RMST: variants seen among roughly 807,000 people sequenced by gnomAD.
RMST encodes the protein rhabdomyosarcoma 2 associated transcript, also known as long intergenic non-protein coding RNA 54.
intron 10 of RMST, among the ~76,000 whole-genome samples, chr12:97,523,774 G>A (rs1592735894): frequency 6.6e-6 from 1 of 152,088 alleles, no homozygotes; most frequent in Admixed American, 6.6e-5. Flanking sequence ...ATGAGAAAGA[G>A]AAGATAAGAA....
At chr12:97,512,135 C>T (rs749160128) in intron 10 of RMST, among the ~76,000 whole-genome samples, 24 of 152,164 alleles carry the variant, frequency 1.6e-4, no homozygotes, top group Non-Finnish European at 3.2e-4. Flanking sequence ...CTGGCGGATT[C>T]GTGGTCTCGC....
intron 10 of RMST, among the ~76,000 whole-genome samples, chr12:97,516,549 T>C (rs565615966): frequency 5.9e-5 from 9 of 152,174 alleles, no homozygotes; most frequent in African/African-American, 2.2e-4. Flanking sequence ...ATTTACTTTT[T>C]TCTTCATATT....
chr12:97,537,321 G>A (rs1301162773), intron 11 of RMST, among the ~76,000 whole-genome samples: 6 of 151,238 alleles, frequency 4.0e-5, no homozygotes, highest in Admixed American at 3.3e-4. Context: ...TTACTATGTG[G>A]AAACATTGAG....
chr12:97,532,475 T>C (rs1881718580), intron 11 of RMST, among the ~76,000 whole-genome samples: 1 of 151,834 alleles, frequency 6.6e-6, no homozygotes, highest in African/African-American at 2.4e-5. Flanking sequence ...TAGATGACAA[T>C]TACAGACAAT....
intron 10 of RMST, among the ~76,000 whole-genome samples, chr12:97,511,976 C>G (rs898550180): frequency 2.0e-5 from 3 of 152,218 alleles, no homozygotes; most frequent in Admixed American, 1.3e-4. Context: ...AGTCTCACTT[C>G]AAGAATGAAG....
intron 10 of RMST, among the ~76,000 whole-genome samples, chr12:97,517,954 A>G (rs1191089805): frequency 6.6e-6 from 1 of 152,056 alleles, no homozygotes; most frequent in Admixed American, 6.6e-5. Context: ...TCTTCACAGG[A>G]CCTTCACCAG....
intron 5 of RMST, among the ~76,000 whole-genome samples, chr12:97,487,228 C>T (rs991539232): frequency 2.0e-5 from 3 of 152,002 alleles, no homozygotes. Context: ...ACCAAATCAC[C>T]TGGGTTGGAT....
chr12:97,503,442 AT>A (rs143995990), intron 10 of RMST, among the ~76,000 whole-genome samples: 2 of 149,840 alleles, frequency 1.3e-5, no homozygotes, highest in African/African-American at 2.5e-5. Flanking sequence ...ATTATTGTTT[AT>A]TTTTTTTAAT....
intron 10 of RMST, among the ~76,000 whole-genome samples, chr12:97,511,637 TTA>T (rs1377695014): frequency 6.6e-6 from 1 of 152,206 alleles, no homozygotes; most frequent in Non-Finnish European, 1.5e-5. Flanking sequence ...CCACAGCAAG[TTA>T]TTAATCTTAC....
intron 5 of RMST, chr12:97,491,733 A>G (rs1876836009): frequency 7.0e-6 from 2 of 283,696 alleles, no homozygotes; most frequent in Non-Finnish European, 1.5e-5. Flanking sequence ...GCATCTTCTC[A>G]TTCTTATAGA....
chr12:97,495,682 A>G lies in RMST; in HGVS notation n.1215-249A>G, dbSNP rs192604001. Among the ~76,000 whole-genome samples the G allele has an allele frequency of 6.6e-5, 10 of 152,232 alleles. No individual in the cohort carries two copies. In the East Asian group the frequency reaches 1.9e-3, roughly 29 times the overall value. On this transcript the variant is annotated intron_variant and non_coding_transcript_variant, in intron 9 of 13. Transcript: ENST00000640149. ...GTTAAGTATAGCTTATGATTTTCCT[A>G]AAATGTCGCAAAGATAAGCATCTAC...
At chr12:97,490,312 A>G (rs555276967) in intron 5 of RMST, among the ~76,000 whole-genome samples, 1 of 152,342 alleles carries the variant, frequency 6.6e-6, no homozygotes, top group East Asian at 1.9e-4. Context: ...CACTGTGGCT[A>G]GGCCAAGCAC....
At chr12:97,487,655 C>T (rs7971736) in intron 5 of RMST, among the ~76,000 whole-genome samples, 70,909 of 151,906 alleles carry the variant, frequency 0.47, 17,269 homozygotes, top group Middle Eastern at 0.62. Flanking sequence ...GCTTAAGTAA[C>T]TTAAAGATGC....
At chr12:97,520,279 G>A (rs1880378497) in intron 10 of RMST, among the ~76,000 whole-genome samples, 1 of 152,090 alleles carries the variant, frequency 6.6e-6, no homozygotes, top group South Asian at 2.1e-4. Flanking sequence ...TACAAGTGTC[G>A]CAGTGGGGCT....
intron 10 of RMST, among the ~76,000 whole-genome samples, chr12:97,496,796 C>T (rs1385250913): frequency 1.3e-5 from 2 of 152,064 alleles, no homozygotes; most frequent in African/African-American, 4.8e-5. Flanking sequence ...GGGACTTCCC[C>T]TGGGAACAAT....
chr12:97,530,566 T>G (rs1214211102), intron 10 of RMST: 2 of 152,054 alleles, frequency 1.3e-5, no homozygotes, highest in Non-Finnish European at 2.9e-5. Flanking sequence ...TCAGAAGGAA[T>G]AGAATCTGTG....
At chr12:97,466,800 C>T (rs1873247088) in intron 5 of RMST, among the ~76,000 whole-genome samples, 1 of 152,068 alleles carries the variant, frequency 6.6e-6, no homozygotes, top group South Asian at 2.1e-4. Flanking sequence ...GTATAGAAAT[C>T]ATTTTATCCT....
intron 10 of RMST, among the ~76,000 whole-genome samples, chr12:97,500,538 T>C (rs912371619): frequency 8.5e-5 from 13 of 152,352 alleles, no homozygotes; most frequent in African/African-American, 2.9e-4. Context: ...TTATCCAAGT[T>C]ATTTGATCCT....
At chr12:97,501,120 G>A (rs904795525) in intron 10 of RMST, among the ~76,000 whole-genome samples, 1 of 152,218 alleles carries the variant, frequency 6.6e-6, no homozygotes, top group African/African-American at 2.4e-5. Flanking sequence ...GTCTAGGACT[G>A]TGGAATATGA....
Sources: gnomAD v4.1 joint callset for allele counts (sites outside exome capture counted in the v4.1 genomes callset) on GRCh38, gnomAD v4.1.1 for gene constraint, MANE v1.5 for transcripts, NCBI Gene and HGNC (gene_info 2026-07-23, HGNC 2026-07-21) for gene names.